Variants in SGCZ observed in about 807,000 individuals in gnomAD.
SGCZ encodes zeta-sarcoglycan.
In SGCZ, 40 loss-of-function variants were observed where a neutral mutation model predicts 41.3. The ratio of observed to expected loss-of-function variants is 0.97; its 90% CI spans 0.75 to 1.26. The LOEUF (loss-of-function observed/expected upper bound fraction) is 1.26, where lower values mean the gene tolerates loss of function less well. Ranked by LOEUF, SGCZ falls within the 50% of genes most tolerant of loss-of-function variation. SGCZ has a pLI of 0.00. For synonymous variants in SGCZ, 206 were observed against 137.5 expected (o/e 1.50, Z -3.49); for missense variants, 552 against 369.8 (o/e 1.49, Z -4.04).
intron 2 of SGCZ, among the ~76,000 whole-genome samples, chr8:14,389,987 T>C: frequency 6.6e-6 from 1 of 151,844 alleles, no homozygotes; most frequent in Non-Finnish European, 1.5e-5. Flanking sequence ...TTTTTGTAAG[T>C]AGGGGTTTAC....
chr8:14,428,567 A>G (rs1195878974), intron 2 of SGCZ, among the ~76,000 whole-genome samples: 1 of 152,210 alleles, frequency 6.6e-6, no homozygotes, highest in African/African-American at 2.4e-5. Flanking sequence ...TCAACATTTT[A>G]TTTAAAATTG....
intron 1 of SGCZ, among the ~76,000 whole-genome samples, chr8:15,025,692 A>G (rs1348788859): frequency 6.6e-6 from 1 of 152,184 alleles, no homozygotes; most frequent in Non-Finnish European, 1.5e-5. Context: ...TTAAAAATAT[A>G]TTATCATGGG....
intron 7 of SGCZ, among the ~76,000 whole-genome samples, chr8:14,100,540 T>G (rs117782119): frequency 0.21 from 26,810 of 127,764 alleles, 3,664 homozygotes; most frequent in East Asian, 0.7. Context: ...TTTCAAAATA[T>G]TATACATTAG....
intron 1 of SGCZ, among the ~76,000 whole-genome samples, chr8:15,188,886 G>T (rs1428160818): frequency 1.3e-5 from 2 of 151,622 alleles, no homozygotes; most frequent in African/African-American, 4.8e-5. Flanking sequence ...AGTGTGGGAG[G>T]AAAAAAAGAA....
chr8:14,542,638 C>G (rs1252096101), intron 2 of SGCZ, among the ~76,000 whole-genome samples: 2 of 152,028 alleles, frequency 1.3e-5, no homozygotes, highest in African/African-American at 4.8e-5. Context: ...CTCTCTTAAA[C>G]CAAATTGGTG....
intron 2 of SGCZ, among the ~76,000 whole-genome samples, chr8:14,481,906 A>C (rs1801544484): frequency 1.3e-5 from 2 of 152,174 alleles, no homozygotes; most frequent in Admixed American, 1.3e-4. Context: ...GGTTTTCCGC[A>C]GTTGAGAAGA....
At chr8:15,224,696 T>C (rs903109411) in intron 1 of SGCZ, among the ~76,000 whole-genome samples, 2 of 152,122 alleles carry the variant, frequency 1.3e-5, no homozygotes, top group Non-Finnish European at 2.9e-5. Context: ...GTATCTAAAA[T>C]CTGAATATAC....
chr8:14,423,969 A>G (rs1345523268), intron 2 of SGCZ, among the ~76,000 whole-genome samples: 3 of 152,184 alleles, frequency 2.0e-5, no homozygotes, highest in African/African-American at 4.8e-5. Context: ...CAGAAGAACT[A>G]AAGTGTTAAT....
intron 2 of SGCZ, among the ~76,000 whole-genome samples, chr8:14,489,547 G>A (rs947233935): frequency 6.6e-6 from 1 of 152,110 alleles, no homozygotes; most frequent in African/African-American, 2.4e-5. Context: ...GGAAAAAAGG[G>A]AGATGGTCTG....
chr8:14,276,114 G>A (rs1198751170), intron 3 of SGCZ, among the ~76,000 whole-genome samples: 3 of 152,108 alleles, frequency 2.0e-5, no homozygotes, highest in Admixed American at 6.6e-5. Flanking sequence ...TGAAATGATC[G>A]CTCTAAACAT....
intron 1 of SGCZ, among the ~76,000 whole-genome samples, chr8:15,125,673 C>G (rs1807652493): frequency 6.6e-6 from 1 of 151,988 alleles, no homozygotes; most frequent in South Asian, 2.1e-4. Context: ...AAAAATAATA[C>G]TGATATATGT....
chr8:15,024,861 C>T lies in SGCZ; in HGVS notation c.39+212724G>A, dbSNP rs546723859. On this transcript the variant is annotated intron_variant, in intron 1 of 7. Coordinates refer to ENST00000382080, the MANE Select transcript of SGCZ (RefSeq NM_139167.4). ...TGAGGCAGGAGAATGGCGTGAACCC[C>T]GGAGGCGGAGCTTGCAGTGAGCCGA... 5.3e-5 allele frequency among the ~76,000 whole-genome samples: 8 copies of T among 151,836 alleles called. No homozygotes were observed. In the East Asian group the frequency reaches 1.2e-3, roughly 22 times the overall value.
At chr8:14,180,771 G>A (rs908250183) in intron 4 of SGCZ, among the ~76,000 whole-genome samples, 1 of 152,004 alleles carries the variant, frequency 6.6e-6, no homozygotes, top group East Asian at 1.9e-4. Context: ...CCATGCTCCT[G>A]AAGCAGGTGG....
At chr8:14,692,012 T>C (rs922580941) in intron 1 of SGCZ, among the ~76,000 whole-genome samples, 7 of 151,950 alleles carry the variant, frequency 4.6e-5, no homozygotes, top group Non-Finnish European at 1.0e-4. Context: ...ATTTGATCAA[T>C]TGATTGAAAT....
chr8:14,688,522 T>C (rs61653991), intron 1 of SGCZ, among the ~76,000 whole-genome samples: 8,085 of 152,112 alleles, frequency 0.053, 680 homozygotes, highest in African/African-American at 0.18. Flanking sequence ...CAGCATTATT[T>C]CTGAGGGCTC....
rs551229881 is a variant in SGCZ, at chr8:15,209,038, T to C, written c.39+28547A>G. On this transcript the variant is annotated intron_variant, in intron 1 of 7. Coordinates refer to ENST00000382080, the MANE Select transcript of SGCZ (RefSeq NM_139167.4). ...GGTAGAGGTCAAAGGAATCCTAGAC[T>C]TGGAGTTCTAAGAAACTACTTCAAG... Among the ~76,000 whole-genome samples the C allele has an allele frequency of 5.9e-5, 9 of 152,150 alleles. No individual in the cohort carries two copies. In the East Asian group the frequency reaches 1.7e-3, roughly 29 times the overall value.
chr8:15,209,874 T>C lies in SGCZ; in HGVS notation c.39+27711A>G, dbSNP rs1801185526. ...GTTCTTAGCTAATCATGGGGGCTTCTCCAACTTTGCCAAGTCATAGGTTTA... is the reference window on the plus strand; with the variant it reads ...GTTCTTAGCTAATCATGGGGGCTTCCCCAACTTTGCCAAGTCATAGGTTTA... On this transcript the variant is annotated intron_variant, in intron 1 of 7. Coordinates refer to ENST00000382080, the MANE Select transcript of SGCZ (RefSeq NM_139167.4). 1.3e-5 allele frequency among the ~76,000 whole-genome samples: 2 copies of C among 152,296 alleles called. 1 individual carries two copies. The highest frequency in any genetic ancestry group is 6.8e-3 in the Middle Eastern group (2 of 294).
chr8:15,173,094 T>G (rs556992479), intron 1 of SGCZ, among the ~76,000 whole-genome samples: 1 of 152,288 alleles, frequency 6.6e-6, no homozygotes, highest in Admixed American at 6.5e-5. Context: ...GTGTGCAGAC[T>G]TAAGAAAAAG....
intron 3 of SGCZ, among the ~76,000 whole-genome samples, chr8:14,296,912 T>G (rs1323842679): frequency 1.3e-5 from 2 of 152,166 alleles, no homozygotes; most frequent in Non-Finnish European, 1.5e-5. Flanking sequence ...CAAAATATTT[T>G]TAACTGAATA....
Sources: allele counts gnomAD v4.1 joint callset (sites outside exome capture counted in the v4.1 genomes callset), GRCh38; gene constraint gnomAD v4.1.1; transcripts MANE v1.5; gene names NCBI Gene and HGNC (gene_info 2026-07-23, HGNC 2026-07-21).